Variants in ABTB1 observed in about 807,000 individuals in gnomAD.
The protein encoded by ABTB1 is ankyrin repeat and BTB/POZ domain-containing protein 1.
Under a neutral mutation model 57.1 loss-of-function variants are expected in ABTB1, and 45 were observed. The ratio of observed to expected loss-of-function variants is 0.79; its 90% CI spans 0.62 to 1.01. The LOEUF is 1.01. Ranked by LOEUF, ABTB1 falls within the 50% of genes least tolerant of loss-of-function variation. ABTB1 has a pLI of 0.00. For synonymous variants in ABTB1, 302 were observed against 275.4 expected (o/e 1.10, Z -0.95); for missense variants, 630 against 666.3 (o/e 0.95, Z 0.60).
rs962291770 is a variant in ABTB1, at chr3:127,680,048, A to G, written c.1093A>G (p.Lys365Glu). 5 of 1,613,672 alleles carry G rather than the reference A, an allele frequency of 3.1e-6. No homozygotes were observed. The highest frequency in any genetic ancestry group is 3.3e-5 in the Admixed American group (2 of 60,010). Residue 365 changes from lysine to glutamate, a missense_variant, in exon 11 of 12, where the codon AAG (lysine) becomes GAG (glutamate). By Grantham distance (56) the Lys-to-Glu change is moderately conservative. Around this residue, in one of 3 missense-constraint regions of ABTB1, gnomAD observed 579 missense variants for 585.9 expected, o/e 0.99. Transcript: ENST00000232744. ...VADMYLLPGL[K>E]RLCGRSLAQM... ...CGACATGTACCTGCTGCCAGGCCTG[A>G]AGAGGCTGTGCGGCCGCAGCCTGGC...
chr3:127,674,356 G>C (rs375767771), intron 1 of ABTB1, 35 bp from the exon 2 acceptor site: 2 of 1,589,134 alleles, frequency 1.3e-6, no homozygotes, highest in South Asian at 2.3e-5. Context: ...CCATGAACCC[G>C]TCCTGACCCA....
At position 127,679,969 on chromosome 3, in the gene ABTB1, C is replaced by T. The variant is rs1214012628; in HGVS notation, c.1030-16C>T. The T allele has an allele frequency of 6.2e-7, 1 of 1,612,562 alleles. No homozygotes were observed. The highest frequency in any genetic ancestry group is 8.5e-7 in the Non-Finnish European group (1 of 1,179,420). On this transcript the variant is annotated splice_polypyrimidine_tract_variant and intron_variant, in intron 10 of 11. Transcript: ENST00000232744. Reference sequence around the variant, plus strand: ...GGTGACCTCGGGGGGCACCTTCATCCCTGTCTTCACTGCAGCTGTCCCCCG... The same window carrying T: ...GGTGACCTCGGGGGGCACCTTCATCTCTGTCTTCACTGCAGCTGTCCCCCG...
At chr3:127,679,801 A>C in intron 10 of ABTB1, 184 bp from the exon 11 acceptor site, 3 of 354,942 alleles carry the variant, frequency 8.5e-6, no homozygotes, top group Non-Finnish European at 1.1e-5. Flanking sequence ...GGTCCTGCAG[A>C]TCCCTGTGGG....
chr3:127,676,808 G>A lies in ABTB1; in HGVS notation c.527-159G>A. On this transcript the variant is annotated intron_variant, in intron 6 of 11. Coordinates refer to ENST00000232744, the MANE Select transcript of ABTB1 (RefSeq NM_172027.3). The surrounding 1 kb of genome is among the most constrained non-coding windows in gnomAD (Gnocchi z 5.4). ...GAGGCCCTCCCATCTGTTCCCTGGG[G>A]CCTGTAGAACAGCTTTTGATGGGGA... 2.3e-6 allele frequency: 2 copies of A among 854,344 alleles called. No individual in the cohort carries two copies. Among genetic ancestry groups the A allele is most frequent in the African/African-American group, 3.4e-5 (2 of 59,082 alleles). The allele number at this position is 854,344 out of a possible 1,614,324, so 52.9% of individuals were successfully genotyped here.
chr3:127,674,568 A>G lies in ABTB1; in HGVS notation c.143A>G (p.His48Arg). 1 of 1,614,142 alleles carries G rather than the reference A, an allele frequency of 6.2e-7. No homozygotes were observed. Among genetic ancestry groups the G allele is most frequent in the Non-Finnish European group, 8.5e-7 (1 of 1,180,022 alleles). Residue 48 changes from histidine (H) to arginine (R), a missense_variant, in exon 3 of 12, where the codon CAC (histidine) becomes CGC (arginine). Transcript: ENST00000232744. ...TPLYYACLCG[H>R]EELVLYLLAN... ...AGGTACTATGCCTGCTTGTGTGGGC[A>G]CGAGGAGCTGGTACTCTACCTTCTG...
chr3:127,679,821 C>T, intron 10 of ABTB1, 164 bp from the exon 11 acceptor site: 1 of 576,326 alleles, frequency 1.7e-6, no homozygotes. Flanking sequence ...GAATCTGGGC[C>T]AGCCCCCCGA....
In ABTB1 at chr3:127,676,219, G is replaced by T. The variant is rs2074978951; in HGVS notation, c.321-53G>T. The T allele has an allele frequency of 2.5e-6, 4 of 1,604,606 alleles. No individual in the cohort carries two copies. In the Admixed American group the frequency reaches 6.7e-5, roughly 27 times the overall value. ...TGCACTGGGTTCTGAGTGCTCCGAG[G>T]AATGGGGTGGGGCTGTGCCAAGTAT... On this transcript the variant is annotated intron_variant, in intron 4 of 11. Transcript: ENST00000232744. This position sits in a 1 kb window ranked among gnomAD's most constrained non-coding sequence, Gnocchi z 5.4.
intron 10 of ABTB1, chr3:127,679,616 A>C (rs939076253): frequency 1.7e-5 from 8 of 479,268 alleles, no homozygotes; most frequent in Non-Finnish European, 3.3e-5. Context: ...TGGACTGGGA[A>C]CTAGAGGCAC....
At position 127,680,472 on chromosome 3, in the gene ABTB1, T is replaced by C. The variant is rs1378067298; in HGVS notation, c.1434T>C (p.Cys478=). 1.2e-6 allele frequency: 2 copies of C among 1,600,580 alleles called. No individual in the cohort carries two copies. The highest frequency in any genetic ancestry group is 1.7e-5 in the Admixed American group (1 of 58,788). ...TGCTCGTGTCCATCGGTCTGGACTGTTGAGCCCCTGGCTGGGCAGCCCCAG... is the reference window on the plus strand; with the variant it reads ...TGCTCGTGTCCATCGGTCTGGACTGCTGAGCCCCTGGCTGGGCAGCCCCAG... ...EDLLVSIGLD[C] The change falls in exon 12 of 12, where the codon TGT becomes TGC. Residue 478 remains cysteine (C), a synonymous_variant. Transcript: ENST00000232744.
At chr3:127,677,345 G>A (rs2075010237) in intron 8 of ABTB1, 59 bp downstream of exon 8, 1 of 1,561,606 alleles carries the variant, frequency 6.4e-7, no homozygotes. Flanking sequence ...GTGACAGGCA[G>A]CCCAGATACT....
intron 3 of ABTB1, 191 bp from the exon 4 acceptor site, chr3:127,675,779 C>A: frequency 1.5e-6 from 1 of 671,216 alleles, no homozygotes; most frequent in Non-Finnish European, 2.5e-6. Flanking sequence ...TGTGTGAGTG[C>A]ACACAGACGT....
chr3:127,680,509 T>C lies in ABTB1; in HGVS notation c.*34T>C, dbSNP rs1267794356. On this transcript the variant is annotated 3_prime_UTR_variant, in exon 12 of 12. Transcript: ENST00000232744. ...CTGGGCAGCCCCAGGGGCCAGGAGC[T>C]CTCTTGGAGACAAGCATGTGTATGC... The C allele has an allele frequency of 6.3e-7, 1 of 1,593,882 alleles. No homozygotes were observed. The highest frequency in any genetic ancestry group is 8.5e-7 in the Non-Finnish European group (1 of 1,175,974).
chr3:127,680,194 G>C lies in ABTB1; in HGVS notation c.1230+9G>C. The C allele has an allele frequency of 6.2e-7, 1 of 1,613,700 alleles. No individual in the cohort carries two copies. Among genetic ancestry groups the C allele is most frequent in the Non-Finnish European group, 8.5e-7 (1 of 1,179,866 alleles). Reference sequence around the variant, plus strand: ...CCAAGGTCATTGAGAAGGTGGGCCAGTGGTCTGCAGTGGGTGGGAAGGAGG... The same window carrying C: ...CCAAGGTCATTGAGAAGGTGGGCCACTGGTCTGCAGTGGGTGGGAAGGAGG... On this transcript the variant is annotated intron_variant, in intron 11 of 11. Coordinates refer to ENST00000232744, the MANE Select transcript of ABTB1 (RefSeq NM_172027.3).
Position 127,677,156 on chromosome 3 carries a change from C to T in ABTB1, c.644-12C>T. On this transcript the variant is annotated splice_polypyrimidine_tract_variant and intron_variant, in intron 7 of 11. Coordinates refer to ENST00000232744, the MANE Select transcript of ABTB1 (RefSeq NM_172027.3). ...GCTGGCCTGGCTCCCTGAAGTTGTT[C>T]TTCCCCTGTAGTGGCGTCTAAGCCA... The T allele has an allele frequency of 8.7e-6, 14 of 1,613,326 alleles. No homozygotes were observed. Among genetic ancestry groups the T allele is most frequent in the Non-Finnish European group, 1.2e-5 (14 of 1,179,624 alleles).
chr3:127,679,538 C>T (rs776403732), intron 10 of ABTB1: 12 of 458,528 alleles, frequency 2.6e-5, no homozygotes, highest in South Asian at 1.5e-4. Context: ...CTGCATAGGT[C>T]TTGACTAGCT....
At position 127,680,765 on chromosome 3, in the gene ABTB1, C is replaced by A; in HGVS notation, c.*290C>A. ...GGGCTTTGGTCTTAGCACTTTCCTT[C>A]TCCAGATCCCCCCTACCCACCCCAG... On this transcript the variant is annotated 3_prime_UTR_variant, in exon 12 of 12. Coordinates refer to ENST00000232744, the MANE Select transcript of ABTB1 (RefSeq NM_172027.3). The A allele has an allele frequency of 1.5e-6, 1 of 668,282 alleles. No individual in the cohort carries two copies. Among genetic ancestry groups the A allele is most frequent in the Non-Finnish European group, 2.7e-6 (1 of 374,800 alleles). 41.4% of individuals were successfully genotyped at this position (668,282 alleles called of 1,614,324 possible).
Position 127,677,295 on chromosome 3 carries a change from G to A in ABTB1, c.762+9G>A, listed in dbSNP as rs200939764. The A allele has an allele frequency of 1.3e-5, 20 of 1,586,802 alleles. No homozygotes were observed. Among genetic ancestry groups the A allele is most frequent in the African/African-American group, 6.7e-5 (5 of 74,664 alleles). On this transcript the variant is annotated intron_variant, in intron 8 of 11. Coordinates refer to ENST00000232744, the MANE Select transcript of ABTB1 (RefSeq NM_172027.3). ...TGCCCCCCGAGCTCCGAGTAAGTGCGGGGCTGGTGGGCAGGAAGGGCGTTT... is the reference window on the plus strand; with the variant it reads ...TGCCCCCCGAGCTCCGAGTAAGTGCAGGGCTGGTGGGCAGGAAGGGCGTTT...
chr3:127,678,557 C>T (rs1414398383), intron 10 of ABTB1: 2 of 152,360 alleles, frequency 1.3e-5, no homozygotes, highest in African/African-American at 2.4e-5. Context: ...AGCTACTCAA[C>T]TCTGTAGCGC....
rs2107549948 is a variant in ABTB1, at chr3:127,673,091, T to C, written c.56+10T>C. On this transcript the variant is annotated intron_variant, in intron 1 of 11. Coordinates refer to ENST00000232744, the MANE Select transcript of ABTB1 (RefSeq NM_172027.3). ...ATGTGGGCCGAGTGCGGTGAGGACC[T>C]CGCAGTCCCGGGGAGGGTGCGGGAG... 2 of 1,556,824 alleles carry C rather than the reference T, an allele frequency of 1.3e-6. No individual in the cohort carries two copies. The highest frequency in any genetic ancestry group is 1.4e-5 in the African/African-American group (1 of 70,970).
Sources: allele counts gnomAD v4.1 joint callset, GRCh38; gene constraint gnomAD v4.1.1; regional missense constraint gnomAD v4.1.1; non-coding constraint Gnocchi (gnomAD v3.1); transcripts MANE v1.5; gene names NCBI Gene and HGNC (gene_info 2026-07-23, HGNC 2026-07-21).